The following A2M variants were observed in gnomAD, a reference collection of about 807,000 sequenced individuals.
A2M encodes the protein alpha-2-macroglobulin.
A2M carries 128 observed loss-of-function variants against 183.9 expected under a neutral mutation model. The ratio of observed to expected loss-of-function variants is 0.70; its 90% CI spans 0.60 to 0.81. The LOEUF (loss-of-function observed/expected upper bound fraction) is 0.81, where lower values mean the gene tolerates loss of function less well. Ranked by LOEUF, A2M falls within the 30% of genes least tolerant of loss-of-function variation. The pLI, the probability that A2M is intolerant of heterozygous loss-of-function variation, is 0.00. For missense variants in A2M, 1,495 were observed against 1,787.6 expected (o/e 0.84, Z 2.95); for synonymous variants, 592 against 670.8 (o/e 0.88, Z 1.81).
chr12:9,089,134 T>C, intron 22 of A2M, 66 bp downstream of exon 22: 1 of 1,231,960 alleles, frequency 8.1e-7, no homozygotes, highest in East Asian at 2.5e-5. Flanking sequence ...GAATAATATA[T>C]AAATGTTCTT....
chr12:9,087,848 C>T (rs1245317589), intron 22 of A2M, among the ~76,000 whole-genome samples: 2 of 151,956 alleles, frequency 1.3e-5, no homozygotes, highest in South Asian at 2.1e-4. Context: ...TGCTCTCTGA[C>T]TCAGGAATTT....
chr12:9,108,099 G>GTTTATTTTATTTTAT (rs150597149), intron 7 of A2M, among the ~76,000 whole-genome samples: 61 of 148,378 alleles, frequency 4.1e-4, no homozygotes, highest in East Asian at 1.0e-3. Flanking sequence ...AGTTTCACTT[G>GTTTATTTTATTTTAT]TTTATTTTAT....
Position 9,107,656 on chromosome 12 carries a change from A to C in A2M, c.759-12T>G. 6.2e-7 allele frequency: 1 copy of C among 1,613,002 alleles called. No individual in the cohort carries two copies. Among genetic ancestry groups the C allele is most frequent in the Non-Finnish European group, 8.5e-7 (1 of 1,179,196 alleles). On this transcript the variant is annotated splice_polypyrimidine_tract_variant and intron_variant, in intron 7 of 35. Transcript: ENST00000318602. ...TCCCATATGTGTATCTGTCATGAGA[A>C]CATTCCCAAAGGAATCAGAGCAGAC...
At chr12:9,114,290 A>C (rs1354515985) in intron 1 of A2M, among the ~76,000 whole-genome samples, 3 of 152,198 alleles carry the variant, frequency 2.0e-5, no homozygotes, top group Admixed American at 1.3e-4. Context: ...TCAACCCTGT[A>C]GTTTTTATAC....
chr12:9,099,434 C>T lies in A2M; in HGVS notation c.1648G>A (p.Asp550Asn), dbSNP rs750774678. ...TATTTTGCAGAATCCCCAATCACGT[C>T]CCCGGTAGGTAAAACAGCATAGATG... ...LLIYAVLPTGDVIGDSAKYDV... is the reference protein window; with the variant it reads ...LLIYAVLPTGNVIGDSAKYDV... The change falls in exon 14 of 36, where the codon GAC (aspartate) becomes AAC (asparagine). Residue 550 changes from aspartate to asparagine, a missense_variant. Physicochemically the swap from Asp to Asn is conservative, Grantham distance 23. Coordinates refer to ENST00000318602, the MANE Select transcript of A2M (RefSeq NM_000014.6). 1.3e-6 allele frequency: 2 copies of T among 1,594,738 alleles called. No homozygotes were observed. Among genetic ancestry groups the T allele is most frequent in the Non-Finnish European group, 1.7e-6 (2 of 1,170,296 alleles).
Position 9,104,492 on chromosome 12 carries a change from T to C in A2M, c.1105-92A>G, listed in dbSNP as rs73244245. 4,366 of 1,350,488 alleles carry C rather than the reference T, an allele frequency of 3.2e-3. 119 individuals carry two copies. The African/African-American group carries it at 0.058, about 18-fold the overall frequency. The allele number at this position is 1,350,488 out of a possible 1,614,324, so 83.7% of individuals were successfully genotyped here. On this transcript the variant is annotated intron_variant, in intron 10 of 35. Coordinates refer to ENST00000318602, the MANE Select transcript of A2M (RefSeq NM_000014.6). ...ATCACATTTTTTAGTGCCTCCTCTA[T>C]GTTGAACATGGTTCCAGGCACTGAG...
intron 1 of A2M, 139 bp downstream of exon 1, chr12:9,115,625 G>T: frequency 3.0e-6 from 2 of 671,632 alleles, no homozygotes. Flanking sequence ...GAGTAAACTA[G>T]ATTTGTAAAA....
chr12:9,088,666 T>A (rs966059878), intron 22 of A2M, among the ~76,000 whole-genome samples: 4 of 152,158 alleles, frequency 2.6e-5, no homozygotes, highest in African/African-American at 9.7e-5. Context: ...GTGTATTAAA[T>A]TTTTCCTGTA....
At chr12:9,091,995 AAGTACTTC>A (rs1351718860) in intron 18 of A2M, among the ~76,000 whole-genome samples, 1 of 152,218 alleles carries the variant, frequency 6.6e-6, no homozygotes, top group African/African-American at 2.4e-5. Flanking sequence ...CGTTTGAAAG[AAGTACTTC>A]AGTACTGAAA....
rs1186241883 is a variant in A2M, at chr12:9,091,413, C to T, written c.2257G>A (p.Glu753Lys). ...LVVVNSAGVA[E>K]VGVTVPDTIT... ...GTGTCAGGGACTGTTACTCCTACCT[C>T]AGCCACACCTGCTGAGCTGGAGAGG... Residue 753 changes from glutamate (E) to lysine (K), a missense_variant, in exon 19 of 36, where the codon GAG becomes AAG. By Grantham distance (56) the Glu-to-Lys change is moderately conservative (BLOSUM62 1). Transcript: ENST00000318602. 23 of 1,614,050 alleles carry T rather than the reference C, an allele frequency of 1.4e-5. 1 individual carries two copies. The highest frequency in any genetic ancestry group is 5.5e-5 in the South Asian group (5 of 91,084).
chr12:9,070,312 C>G (rs1592325440), intron 32 of A2M, among the ~76,000 whole-genome samples, 176 bp downstream of exon 32: 1 of 152,330 alleles, frequency 6.6e-6, no homozygotes, highest in East Asian at 1.9e-4. Flanking sequence ...TAGCACAGTG[C>G]TCTGCACATG....
chr12:9,071,371 C>A (rs1268254573), intron 31 of A2M, among the ~76,000 whole-genome samples: 2 of 151,480 alleles, frequency 1.3e-5, no homozygotes, highest in Non-Finnish European at 2.9e-5. Flanking sequence ...AGTTTGCATC[C>A]GAAATTTGGA....
chr12:9,099,559 G>A lies in A2M; in HGVS notation c.1559-36C>T, dbSNP rs749847254. 2.5e-6 allele frequency: 4 copies of A among 1,578,900 alleles called. No homozygotes were observed. The South Asian group carries it at 4.7e-5, about 19-fold the overall frequency. On this transcript the variant is annotated intron_variant, in intron 13 of 35. Coordinates refer to ENST00000318602, the MANE Select transcript of A2M (RefSeq NM_000014.6). ...AAGAGAATGAGAGGAAGCCATCATAGGTTAATGACTATTTCCATTAGTAGA... is the reference window on the plus strand; with the variant it reads ...AAGAGAATGAGAGGAAGCCATCATAAGTTAATGACTATTTCCATTAGTAGA...
At chr12:9,083,651 T>C (rs73241999) in intron 22 of A2M, among the ~76,000 whole-genome samples, 1 of 150,254 alleles carries the variant, frequency 6.7e-6, no homozygotes, top group Non-Finnish European at 1.5e-5. Flanking sequence ...TTATGGGACA[T>C]CATCATGAAA....
chr12:9,074,444 C>T (rs1434646616), intron 29 of A2M, 116 bp downstream of exon 29: 2 of 1,029,860 alleles, frequency 1.9e-6, no homozygotes, highest in Non-Finnish European at 2.8e-6. Flanking sequence ...GAAAACTTTT[C>T]CTCATTTCAA....
intron 22 of A2M, among the ~76,000 whole-genome samples, chr12:9,087,372 C>A (rs754948860): frequency 1.8e-4 from 28 of 152,158 alleles, no homozygotes; most frequent in Non-Finnish European, 2.6e-4. Context: ...ATGATTAAAT[C>A]TGGAGGAGAT....
In A2M at chr12:9,109,972, A is replaced by ATC; in HGVS notation, c.567_568insGA (p.Phe190AspfsTer45). On this transcript the variant is annotated frameshift_variant, in exon 6 of 36. Transcript: ENST00000318602. LOFTEE classifies it high-confidence loss of function. ...GGCTCTGATGAGAGGGGAAAAGAAA[A>ATC]TTGCTTGAGGCCACCCTCTAACTGG... 2 of 1,613,738 alleles carry ATC rather than the reference A, an allele frequency of 1.2e-6. No homozygotes were observed. Among genetic ancestry groups the ATC allele is most frequent in the South Asian group, 2.2e-5 (2 of 91,012 alleles).
At chr12:9,077,151 C>G (rs946861841) in intron 27 of A2M, among the ~76,000 whole-genome samples, 195 bp downstream of exon 27, 2 of 152,100 alleles carry the variant, frequency 1.3e-5, no homozygotes, top group African/African-American at 4.8e-5. Flanking sequence ...TGGTAAATAG[C>G]CTAGGGGAAT....
chr12:9,091,051 G>T, intron 19 of A2M, 150 bp downstream of exon 19: 1 of 1,011,728 alleles, frequency 9.9e-7, no homozygotes. Context: ...GTGCAATTTG[G>T]TATTTGGAGA....
Sources: gnomAD v4.1 joint callset for allele counts (sites outside exome capture counted in the v4.1 genomes callset) on GRCh38, gnomAD v4.1.1 for gene constraint, MANE v1.5 for transcripts, NCBI Gene and HGNC (gene_info 2026-07-23, HGNC 2026-07-21) for gene names.